NCAM1: variants seen among roughly 807,000 people sequenced by gnomAD.
The protein encoded by NCAM1 is neural cell adhesion molecule 1, also known as antigen recognized by monoclonal antibody 5.1H11.
NCAM1 carries 14 observed loss-of-function variants against 109.8 expected under a neutral mutation model. That is an observed-to-expected ratio of 0.13 (90% CI 0.08 to 0.20). The LOEUF is 0.20. NCAM1 is among the 10% of genes least tolerant of loss of function. The pLI, the probability that NCAM1 is intolerant of heterozygous loss-of-function variation, is 1.00. For synonymous variants in NCAM1, 418 were observed against 442.9 expected (o/e 0.94, Z 0.70); for missense variants, 774 against 1,109.9 (o/e 0.70, Z 4.30).
intron 1 of NCAM1, among the ~76,000 whole-genome samples, chr11:113,124,623 A>G (rs1269528190): frequency 6.6e-6 from 1 of 152,220 alleles, no homozygotes; most frequent in Non-Finnish European, 1.5e-5. Context: ...ATTCTTTGGC[A>G]TAGCTCCTGA....
chr11:112,969,815 C>T (rs868966061), intron 1 of NCAM1, among the ~76,000 whole-genome samples: 4 of 152,172 alleles, frequency 2.6e-5, no homozygotes, highest in Non-Finnish European at 5.9e-5. Context: ...GGTTACTATA[C>T]TGACCCTTTC....
chr11:113,100,253 T>C (rs1370566528), intron 1 of NCAM1, among the ~76,000 whole-genome samples: 15 of 152,100 alleles, frequency 9.9e-5, no homozygotes, highest in Non-Finnish European at 2.2e-4. Flanking sequence ...AAACCCCTTG[T>C]GGAAGGGGAG....
chr11:112,982,410 A>G (rs1951177285), intron 1 of NCAM1, among the ~76,000 whole-genome samples: 1 of 151,976 alleles, frequency 6.6e-6, no homozygotes, highest in Non-Finnish European at 1.5e-5. Flanking sequence ...ATGGGGAAGT[A>G]AGGAGGTCAT....
Position 113,207,904 on chromosome 11 carries a change from C to T in NCAM1, c.818C>T (p.Thr273Ile), listed in dbSNP as rs1944284709. ...TTCAGCGACGATAGTTCCCAGCTGACCATCAAAAAGGTGGATAAGAACGAC... is the reference window on the plus strand; with the variant it reads ...TTCAGCGACGATAGTTCCCAGCTGATCATCAAAAAGGTGGATAAGAACGAC... ...YIFSDDSSQL[T>I]IKKVDKNDEA... is the part of the protein sequence containing the mutation. Residue 273 changes from threonine (T) to isoleucine (I), a missense_variant, in exon 7 of 20, where the codon ACC becomes ATC. By Grantham distance (89) the Thr-to-Ile change is moderately conservative (BLOSUM62 -1). Transcript: ENST00000316851. 1 of 1,612,370 alleles carries T rather than the reference C, an allele frequency of 6.2e-7. No individual in the cohort carries two copies. Among genetic ancestry groups the T allele is most frequent in the Admixed American group, 1.7e-5 (1 of 59,866 alleles).
chr11:113,007,421 A>T (rs1427951437), intron 1 of NCAM1, among the ~76,000 whole-genome samples: 1 of 152,224 alleles, frequency 6.6e-6, no homozygotes, highest in Admixed American at 6.5e-5. Flanking sequence ...CTAGGAATAG[A>T]TCTGCCCAAA....
intron 17 of NCAM1, chr11:113,263,210 A>C: frequency 1.8e-6 from 2 of 1,095,406 alleles, no homozygotes; most frequent in Non-Finnish European, 2.2e-6. Context: ...CCATCATGCT[A>C]GATTTACAGA....
intron 1 of NCAM1, among the ~76,000 whole-genome samples, chr11:113,149,007 C>T (rs1555101905): frequency 6.6e-6 from 1 of 152,204 alleles, no homozygotes; most frequent in Non-Finnish European, 1.5e-5. Context: ...AAGGATCTTG[C>T]AGTAACCAAA....
chr11:113,000,817 CATATATATATATATATATATATATAT>C (rs375984527), intron 1 of NCAM1, among the ~76,000 whole-genome samples: 19 of 129,458 alleles, frequency 1.5e-4, no homozygotes, highest in Non-Finnish European at 9.6e-5. Flanking sequence ...ATTATATATA[CATATATATATATATATATATATATAT>C]ATATACACAA....
chr11:113,056,112 G>T (rs1392880717), intron 1 of NCAM1, among the ~76,000 whole-genome samples: 1 of 147,184 alleles, frequency 6.8e-6, no homozygotes. Flanking sequence ...CAGCAACATG[G>T]ATGGAACCGG....
intron 14 of NCAM1, among the ~76,000 whole-genome samples, chr11:113,244,614 T>C (rs994723630): frequency 2.6e-5 from 4 of 151,590 alleles, no homozygotes; most frequent in Non-Finnish European, 5.9e-5. Context: ...ATCAGTGGGG[T>C]TGAAAATACA....
intron 9 of NCAM1, among the ~76,000 whole-genome samples, chr11:113,224,377 G>T (rs542316156): frequency 6.6e-6 from 1 of 152,210 alleles, no homozygotes; most frequent in Admixed American, 6.5e-5. Flanking sequence ...CGGCAGCAAG[G>T]CTGGGGGAGG....
chr11:113,078,563 G>T (rs1223799654), intron 1 of NCAM1, among the ~76,000 whole-genome samples: 1 of 152,082 alleles, frequency 6.6e-6, no homozygotes, highest in Non-Finnish European at 1.5e-5. Context: ...TGCCATGTTT[G>T]GATGGGGAGT....
intron 1 of NCAM1, among the ~76,000 whole-genome samples, chr11:113,174,435 G>C (rs1555106724): frequency 6.6e-6 from 1 of 152,138 alleles, no homozygotes; most frequent in Non-Finnish European, 1.5e-5. Flanking sequence ...AATTGGCGAG[G>C]TTTTAGTGAA....
At chr11:113,148,148 G>T (rs781806136) in intron 1 of NCAM1, among the ~76,000 whole-genome samples, 1 of 152,126 alleles carries the variant, frequency 6.6e-6, no homozygotes, top group Non-Finnish European at 1.5e-5. Context: ...GCCCGACCTA[G>T]GGACCTAGGG....
At chr11:113,179,440 G>C (rs1473786704) in intron 1 of NCAM1, among the ~76,000 whole-genome samples, 1 of 152,218 alleles carries the variant, frequency 6.6e-6, no homozygotes, top group Non-Finnish European at 1.5e-5. Context: ...TCTGTTGATA[G>C]CCAAACAGCC....
chr11:113,072,009 G>A (rs1307820826), intron 1 of NCAM1, among the ~76,000 whole-genome samples: 2 of 152,110 alleles, frequency 1.3e-5, no homozygotes, highest in African/African-American at 4.8e-5. Context: ...GCCAGGTATG[G>A]TGGTGCATGC....
At chr11:113,114,873 A>G (rs560205512) in intron 1 of NCAM1, among the ~76,000 whole-genome samples, 172 of 152,328 alleles carry the variant, frequency 1.1e-3, no homozygotes, top group Middle Eastern at 3.4e-3. Flanking sequence ...TCTGAAGTGC[A>G]AATACCAGAA....
intron 14 of NCAM1, 61 bp downstream of exon 14, chr11:113,235,225 G>A (rs1945129990): frequency 6.2e-7 from 1 of 1,612,600 alleles, no homozygotes; most frequent in African/African-American, 1.3e-5. Context: ...GGGGCAGTGG[G>A]GAACCCTGAG....
intron 1 of NCAM1, among the ~76,000 whole-genome samples, chr11:113,060,250 A>G (rs1241655780): frequency 6.6e-6 from 1 of 152,212 alleles, no homozygotes; most frequent in Non-Finnish European, 1.5e-5. Flanking sequence ...TTATGATACC[A>G]TAGTGGGTGA....
Sources: allele counts gnomAD v4.1 joint callset (sites outside exome capture counted in the v4.1 genomes callset), GRCh38; gene constraint gnomAD v4.1.1; transcripts MANE v1.5; gene names NCBI Gene and HGNC (gene_info 2026-07-23, HGNC 2026-07-21).